The following FXYD7 variants were observed in gnomAD, a reference collection of about 807,000 sequenced individuals.
The protein encoded by FXYD7 is FXYD domain-containing ion transport regulator 7.
In FXYD7, 7 loss-of-function variants were observed where a neutral mutation model predicts 15.3. The observed-to-expected ratio is 0.46, with a 90% CI of 0.26 to 0.86. The LOEUF is 0.86. FXYD7 is among the 40% of genes least tolerant of loss of function. FXYD7 has a pLI of 0.16. For synonymous variants in FXYD7, 39 were observed against 39.3 expected, an observed-to-expected ratio of 0.99 and a Z score of 0.03; for missense variants, 78 against 100.6, an observed-to-expected ratio of 0.78 and a Z score of 0.96.
chr19:35,152,103 C>T (rs1369731710), intron 5 of FXYD7, among the ~76,000 whole-genome samples: 4 of 133,218 alleles, frequency 3.0e-5, no homozygotes, highest in Non-Finnish European at 6.2e-5. Context: ...TGTGCCACTC[C>T]ACTCCAGCCT....
chr19:35,147,100 C>T (rs1450917377), intron 1 of FXYD7, among the ~76,000 whole-genome samples: 1 of 152,230 alleles, frequency 6.6e-6, no homozygotes, highest in African/African-American at 2.4e-5. Flanking sequence ...GAGCAGTCAC[C>T]ACTGTGAACA....
At chr19:35,146,357 T>C (rs1488951181) in intron 1 of FXYD7, among the ~76,000 whole-genome samples, 1 of 152,200 alleles carries the variant, frequency 6.6e-6, no homozygotes, top group Non-Finnish European at 1.5e-5. Context: ...CAGGCTGGTC[T>C]CAAACTCCTG....
intron 1 of FXYD7, among the ~76,000 whole-genome samples, chr19:35,146,724 T>C (rs930061121): frequency 6.6e-5 from 10 of 152,192 alleles, no homozygotes; most frequent in Admixed American, 2.0e-4. Context: ...TATTGCCTGC[T>C]GAAGACTTGG....
At chr19:35,145,101 G>A (rs1343747945) in intron 1 of FXYD7, among the ~76,000 whole-genome samples, 1 of 152,086 alleles carries the variant, frequency 6.6e-6, no homozygotes, top group Non-Finnish European at 1.5e-5. Context: ...GGCAACGGCA[G>A]GAGGTGCAAA....
chr19:35,144,582 C>T (rs953706850), intron 1 of FXYD7, among the ~76,000 whole-genome samples: 73 of 151,540 alleles, frequency 4.8e-4, no homozygotes, highest in Admixed American at 1.1e-3. Context: ...CTCCCTTCCG[C>T]GCTTCCCAGC....
intron 5 of FXYD7, 107 bp from the exon 6 acceptor site, chr19:35,153,787 C>T (rs2065326135): frequency 8.0e-6 from 8 of 1,005,194 alleles, no homozygotes; most frequent in African/African-American, 1.6e-5. Flanking sequence ...GGGTGACAGT[C>T]CCTGGGGTCT....
intron 1 of FXYD7, among the ~76,000 whole-genome samples, chr19:35,148,089 A>G (rs376596709): frequency 4.0e-4 from 49 of 121,000 alleles, no homozygotes; most frequent in Non-Finnish European, 7.0e-4. Context: ...GAAAGAAAGA[A>G]AGAAAGAGAG....
intron 1 of FXYD7, among the ~76,000 whole-genome samples, chr19:35,144,652 G>C (rs1368652126): frequency 1.4e-5 from 2 of 147,412 alleles, no homozygotes; most frequent in African/African-American, 4.9e-5. Context: ...GGGGGGTGGG[G>C]GGGGCTGCAG....
At chr19:35,153,415 TG>T (rs947785896) in intron 5 of FXYD7, among the ~76,000 whole-genome samples, 7 of 152,136 alleles carry the variant, frequency 4.6e-5, no homozygotes, top group African/African-American at 1.7e-4. Flanking sequence ...TATGGATGCG[TG>T]GGGCAGCATG....
Position 35,153,955 on chromosome 19 carries a change from G to C in FXYD7, c.*39G>C, listed in dbSNP as rs756075292. 6.2e-7 allele frequency: 1 copy of C among 1,603,860 alleles called. No individual in the cohort carries two copies. Among genetic ancestry groups the C allele is most frequent in the Admixed American group, 1.7e-5 (1 of 59,734 alleles). Reference sequence around the variant, plus strand: ...AAACTCCGCTGCCGACCCTGCCTGAGCGCGGGAGCCTGAGGACCGGGTGGA... The same window carrying C: ...AAACTCCGCTGCCGACCCTGCCTGACCGCGGGAGCCTGAGGACCGGGTGGA... On this transcript the variant is annotated 3_prime_UTR_variant, in exon 6 of 6. Coordinates refer to ENST00000270310, the MANE Select transcript of FXYD7 (RefSeq NM_022006.2).
chr19:35,152,044 C>A (rs1390255845), intron 5 of FXYD7, among the ~76,000 whole-genome samples: 2 of 131,962 alleles, frequency 1.5e-5, no homozygotes, highest in African/African-American at 3.6e-5. Context: ...GAGGCTGAGG[C>A]AAGAGAATCA....
Position 35,143,435 on chromosome 19 carries a change from G to A in FXYD7, c.31+71G>A, listed in dbSNP as rs1042882801. 12 of 1,214,132 alleles carry A rather than the reference G, an allele frequency of 9.9e-6. No homozygotes were observed. Among genetic ancestry groups the A allele is most frequent in the Non-Finnish European group, 3.3e-6 (3 of 895,888 alleles). 75.2% of individuals were successfully genotyped at this position (1,214,132 alleles called of 1,614,324 possible). A position where few individuals can be genotyped will look rare whatever the true frequency, so the allele number is the denominator to read the frequency against. On this transcript the variant is annotated intron_variant, in intron 1 of 5. Coordinates refer to ENST00000270310, the MANE Select transcript of FXYD7 (RefSeq NM_022006.2). The surrounding 1 kb of genome is among the most constrained non-coding windows in gnomAD (Gnocchi z 4.3). Reference sequence around the variant, plus strand: ...GAGAGCCTAGGAGAGAGGGTGTCGGGAGATTCAAGCAATGGTAAGGCAAGG... The same window carrying A: ...GAGAGCCTAGGAGAGAGGGTGTCGGAAGATTCAAGCAATGGTAAGGCAAGG...
Position 35,143,877 on chromosome 19 carries a change from CAGAG to C in FXYD7, c.31+517_31+520del, listed in dbSNP as rs2065278981. Reference sequence around the variant, plus strand: ...AAGGAGTGAGAGCTGAAGGAAGAGACAGAGAGAAGGGATATAGCAAGAGACAGAC... The same window carrying C: ...AAGGAGTGAGAGCTGAAGGAAGAGACAGAAGGGATATAGCAAGAGACAGAC... On this transcript the variant is annotated intron_variant, in intron 1 of 5. Transcript: ENST00000270310. This position sits in a 1 kb window ranked among gnomAD's most constrained non-coding sequence, Gnocchi z 4.3. Among the ~76,000 whole-genome samples, 1 of 152,026 alleles carries C rather than the reference CAGAG, an allele frequency of 6.6e-6. No homozygotes were observed. The highest frequency in any genetic ancestry group is 2.1e-4 in the South Asian group (1 of 4,822).
In FXYD7 at chr19:35,154,058, G is replaced by A. The variant is rs555729579; in HGVS notation, c.*142G>A. On this transcript the variant is annotated 3_prime_UTR_variant, in exon 6 of 6. Transcript: ENST00000270310. ...CACCCACCCCAAGGCTGGAGCCGCT[G>A]CACCCTGCTGTCCCTCTCCAGGCCT... is the stretch of plus-strand genomic sequence containing the variant. 4 of 709,434 alleles carry A rather than the reference G, an allele frequency of 5.6e-6. No individual in the cohort carries two copies. Among genetic ancestry groups the A allele is most frequent in the South Asian group, 1.7e-5 (1 of 59,990 alleles). The allele number at this position is 709,434 out of a possible 1,614,324, so 43.9% of individuals were successfully genotyped here.
chr19:35,145,168 C>A lies in FXYD7; in HGVS notation c.31+1804C>A, dbSNP rs77805174. The stretch of plus-strand genomic sequence containing the variant: ...ATCTCACACAGGACCTCACAGGGGA[C>A]CCCACCCAGCCTGGGGTGGCGGGAC... On this transcript the variant is annotated intron_variant, in intron 1 of 5. Transcript: ENST00000270310. Among the ~76,000 whole-genome samples, 266 of 152,264 alleles carry A rather than the reference C, an allele frequency of 1.7e-3. 2 individuals carry two copies. The highest frequency in any genetic ancestry group is 6.1e-3 in the African/African-American group (254 of 41,562).
chr19:35,143,260 G>C lies in FXYD7; in HGVS notation c.-74G>C. The stretch of plus-strand genomic sequence containing the variant: ...CTCCCCCCAGCTCCCCCCCACATCG[G>C]TCCGTCCTGCTTCCAGCTGCTGCAG... On this transcript the variant is annotated 5_prime_UTR_variant, in exon 1 of 6. Coordinates refer to ENST00000270310, the MANE Select transcript of FXYD7 (RefSeq NM_022006.2). This position sits in a 1 kb window ranked among gnomAD's most constrained non-coding sequence, Gnocchi z 4.3. The C allele has an allele frequency of 1.8e-6, 2 of 1,082,092 alleles. No homozygotes were observed. Among genetic ancestry groups the C allele is most frequent in the South Asian group, 1.4e-5 (1 of 73,750 alleles). 67.0% of individuals were successfully genotyped at this position (1,082,092 alleles called of 1,614,324 possible).
chr19:35,148,823 C>A, intron 2 of FXYD7, 100 bp downstream of exon 2: 1 of 1,040,786 alleles, frequency 9.6e-7, no homozygotes, highest in Non-Finnish European at 1.5e-6. Flanking sequence ...ACGATACGTG[C>A]TGGGCCACTG....
At position 35,144,222 on chromosome 19, in the gene FXYD7, G is replaced by A. The variant is rs144145528; in HGVS notation, c.31+858G>A. On this transcript the variant is annotated intron_variant, in intron 1 of 5. Coordinates refer to ENST00000270310, the MANE Select transcript of FXYD7 (RefSeq NM_022006.2). ...AAACCACTGCAGTGAGACCCTATGTGTGGGAATGGGGCGATGGGACCCTCC... is the reference window on the plus strand; with the variant it reads ...AAACCACTGCAGTGAGACCCTATGTATGGGAATGGGGCGATGGGACCCTCC... Among the ~76,000 whole-genome samples, 293 of 152,198 alleles carry A rather than the reference G, an allele frequency of 1.9e-3. 2 individuals are homozygous for A. The South Asian group carries it at 0.034, about 18-fold the overall frequency.
At chr19:35,149,492 G>T (rs1274804042) in intron 2 of FXYD7, 3 of 169,046 alleles carry the variant, frequency 1.8e-5, no homozygotes, top group East Asian at 1.5e-4. Flanking sequence ...AGCTGGTGTC[G>T]CATGACTTGT....
Sources: gnomAD v4.1 joint callset for allele counts (sites outside exome capture counted in the v4.1 genomes callset) on GRCh38, gnomAD v4.1.1 for gene constraint, Gnocchi (gnomAD v3.1) non-coding constraint, MANE v1.5 for transcripts, NCBI Gene and HGNC (gene_info 2026-07-23, HGNC 2026-07-21) for gene names.